The following WDTC1 variants were observed in gnomAD, a reference collection of about 807,000 sequenced individuals.
WDTC1 encodes the protein WD and tetratricopeptide repeats protein 1.
WDTC1 carries 12 observed loss-of-function variants against 76.0 expected under a neutral mutation model. That is an observed-to-expected ratio of 0.16 (90% CI 0.10 to 0.26). WDTC1 has a LOEUF of 0.26. WDTC1 is among the 10% of genes least tolerant of loss of function. The pLI is 1.00. For missense variants in WDTC1, 511 were observed against 908.8 expected (o/e 0.56, Z 5.63); for synonymous variants, 326 against 350.8 (o/e 0.93, Z 0.79).
chr1:27,266,263 A>G (rs2012659457), intron 3 of WDTC1, among the ~76,000 whole-genome samples: 1 of 152,186 alleles, frequency 6.6e-6, no homozygotes, highest in East Asian at 1.9e-4. Context: ...TCTGAGGAGA[A>G]CATGGTATCA....
intron 6 of WDTC1, among the ~76,000 whole-genome samples, chr1:27,289,184 CG>C (rs2013447050): frequency 6.8e-6 from 1 of 146,816 alleles, no homozygotes. Flanking sequence ...ACCTCCCGGA[CG>C]GGGCGGCTGG....
rs1415219108 is a variant in WDTC1 at position 27,297,078 on chromosome 1, G to T, written c.980G>T (p.Gly327Val). 6.2e-7 allele frequency: 1 copy of T among 1,614,044 alleles called. No homozygotes were observed. Among genetic ancestry groups the T allele is most frequent in the South Asian group, 1.1e-5 (1 of 91,080 alleles). Residue 327 changes from glycine (G) to valine (V), a missense_variant, in exon 11 of 16, where the codon GGT becomes GTT. Physicochemically the swap from Gly to Val is moderately radical, Grantham distance 109. Transcript: ENST00000319394. The stretch of plus-strand genomic sequence containing the variant: ...CAGAATGGCAAGATGTCCACCAACG[G>T]TGTGTCCAACGGTGTGTCCAATGGC... ...EVQNGKMSTN[G>V]VSNGVSNGLH...
chr1:27,235,588 G>A (rs920120752), intron 1 of WDTC1, among the ~76,000 whole-genome samples: 1 of 151,954 alleles, frequency 6.6e-6, no homozygotes, highest in Admixed American at 6.6e-5. Flanking sequence ...AGGAAGTGAG[G>A]AGATAGAAGA....
intron 3 of WDTC1, among the ~76,000 whole-genome samples, chr1:27,272,516 A>G (rs1359000792): frequency 6.6e-6 from 1 of 152,244 alleles, no homozygotes; most frequent in African/African-American, 2.4e-5. Flanking sequence ...GCAATTCCAT[A>G]ACTACTTTGT....
At chr1:27,289,186 G>A (rs1299285225) in intron 6 of WDTC1, among the ~76,000 whole-genome samples, 1 of 150,974 alleles carries the variant, frequency 6.6e-6, no homozygotes, top group African/African-American at 2.4e-5. Context: ...CTCCCGGACG[G>A]GGCGGCTGGC....
rs1184917888 is a variant in WDTC1, at chr1:27,306,265, C to T, written c.1916C>T (p.Pro639Leu). 1.9e-6 allele frequency: 3 copies of T among 1,613,992 alleles called. No individual in the cohort carries two copies. The highest frequency in any genetic ancestry group is 2.5e-6 in the Non-Finnish European group (3 of 1,180,040). The part of the protein sequence containing the change: ...QANQRRMNAD[P>L]LEVMLLNMGY... ...AACCAGCGGCGCATGAATGCAGACC[C>T]GTTGGAGGTGATGCTGCTCAACATG... Residue 639 changes from proline (P) to leucine (L), a missense_variant, in exon 16 of 16, where the codon CCG becomes CTG. Transcript: ENST00000319394. The surrounding 1 kb of genome is among the most constrained non-coding windows in gnomAD (Gnocchi z 5.0).
intron 10 of WDTC1, 150 bp from the exon 11 acceptor site, chr1:27,296,898 A>G: frequency 1.6e-6 from 1 of 627,570 alleles, no homozygotes; most frequent in Non-Finnish European, 2.7e-6. Flanking sequence ...TCTTTATGTC[A>G]GAACTTGCTT....
At chr1:27,248,588 C>T (rs2011928872) in intron 1 of WDTC1, among the ~76,000 whole-genome samples, 1 of 152,130 alleles carries the variant, frequency 6.6e-6, no homozygotes, top group African/African-American at 2.4e-5. Context: ...TTCTCCCATC[C>T]TATAGGTTGT....
chr1:27,270,099 A>C (rs6656348), intron 3 of WDTC1, among the ~76,000 whole-genome samples: 111,601 of 151,848 alleles, frequency 0.73, 42,105 homozygotes, highest in East Asian at 0.86. Context: ...CACCATGCCC[A>C]GCTAGTTAGA....
intron 6 of WDTC1, among the ~76,000 whole-genome samples, chr1:27,290,558 G>A (rs1261705135): frequency 6.6e-6 from 1 of 152,204 alleles, no homozygotes; most frequent in Admixed American, 6.5e-5. Flanking sequence ...CAGTTGGTCA[G>A]TGGCTATATA....
At chr1:27,261,627 AG>A (rs1321446586) in intron 2 of WDTC1, among the ~76,000 whole-genome samples, 3 of 152,178 alleles carry the variant, frequency 2.0e-5, no homozygotes, top group Non-Finnish European at 2.9e-5. Flanking sequence ...AAGTAGCCCC[AG>A]GCTTTGTTAG....
intron 12 of WDTC1, among the ~76,000 whole-genome samples, chr1:27,299,096 T>A (rs565996200): frequency 6.6e-6 from 1 of 152,304 alleles, no homozygotes; most frequent in East Asian, 1.9e-4. Context: ...AACAGTTGGG[T>A]AGAACTCAGT....
intron 3 of WDTC1, among the ~76,000 whole-genome samples, chr1:27,271,591 A>G (rs1377299390): frequency 2.0e-5 from 3 of 152,044 alleles, no homozygotes; most frequent in Non-Finnish European, 2.9e-5. Flanking sequence ...TGGGATGCCA[A>G]CTAACTCATG....
At chr1:27,290,590 C>T (rs185015249) in intron 6 of WDTC1, among the ~76,000 whole-genome samples, 3 of 152,274 alleles carry the variant, frequency 2.0e-5, no homozygotes, top group African/African-American at 7.2e-5. Context: ...GCAAGCCACC[C>T]GGAAATGGTA....
In WDTC1 at chr1:27,274,336, C is replaced by T. The variant is rs1251712917; in HGVS notation, c.133-7903C>T. On this transcript the variant is annotated intron_variant, in intron 3 of 15. Transcript: ENST00000319394. This position sits in a 1 kb window ranked among gnomAD's most constrained non-coding sequence, Gnocchi z 4.2. The stretch of plus-strand genomic sequence containing the variant: ...GGGAAAGAAAAAAGAAAAGAAAATA[C>T]AGAGAACTGGCTGGGGCACAGTGGC... Among the ~76,000 whole-genome samples, 1 of 151,460 alleles carries T rather than the reference C, an allele frequency of 6.6e-6. No individual in the cohort carries two copies. Among genetic ancestry groups the T allele is most frequent in the Non-Finnish European group, 1.5e-5 (1 of 67,922 alleles).
At chr1:27,256,142 G>A (rs2012273332) in intron 1 of WDTC1, among the ~76,000 whole-genome samples, 1 of 152,150 alleles carries the variant, frequency 6.6e-6, no homozygotes, top group African/African-American at 2.4e-5. Flanking sequence ...CTGGGCAATA[G>A]GCAGGACCCA....
At chr1:27,246,463 T>C (rs1229035714) in intron 1 of WDTC1, among the ~76,000 whole-genome samples, 1 of 152,256 alleles carries the variant, frequency 6.6e-6, no homozygotes, top group African/African-American at 2.4e-5. Flanking sequence ...TTATATTTAT[T>C]CATCAATTGA....
Position 27,305,073 on chromosome 1 carries a change from G to C in WDTC1, c.1716G>C (p.Leu572=). ...TCTGGGAAAAGGAGACCACCAACCTGGTCCGTGTGCTCCAAGGGGATGAGT... is the reference window on the plus strand; with the variant it reads ...TCTGGGAAAAGGAGACCACCAACCTCGTCCGTGTGCTCCAAGGGGATGAGT... ...FFIWEKETTN[L]VRVLQGDESI... Residue 572 remains leucine (L), a synonymous_variant, in exon 15 of 16, where the codon CTG becomes CTC. Coordinates refer to ENST00000319394, the MANE Select transcript of WDTC1 (RefSeq NM_001276252.2). The surrounding 1 kb of genome is among the most constrained non-coding windows in gnomAD (Gnocchi z 4.6). The C allele has an allele frequency of 6.2e-7, 1 of 1,613,966 alleles. No individual in the cohort carries two copies.
Position 27,235,010 on chromosome 1 carries a change from C to T in WDTC1, c.-100+59C>T, listed in dbSNP as rs2011464574. ...GCGCCGAGGCGGGGACCGGCTCCCG[C>T]AGCCCCGGTGAACGGGCCGCCCGCT... On this transcript the variant is annotated intron_variant, in intron 1 of 15. Coordinates refer to ENST00000319394, the MANE Select transcript of WDTC1 (RefSeq NM_001276252.2). The T allele has an allele frequency of 1.1e-5, 4 of 375,118 alleles. No individual in the cohort carries two copies. In the Admixed American group the frequency reaches 1.8e-4, roughly 17 times the overall value. The allele number at this position is 375,118 out of a possible 1,614,324, so 23.2% of individuals were successfully genotyped here.
Sources: allele counts gnomAD v4.1 joint callset (sites outside exome capture counted in the v4.1 genomes callset), GRCh38; gene constraint gnomAD v4.1.1; non-coding constraint Gnocchi (gnomAD v3.1); transcripts MANE v1.5; gene names NCBI Gene and HGNC (gene_info 2026-07-23, HGNC 2026-07-21).